The following ANKRD46 variants were observed in gnomAD, a reference collection of about 807,000 sequenced individuals.
The protein encoded by ANKRD46 is ankyrin repeat domain-containing protein 46.
Under a neutral mutation model 19.8 loss-of-function variants are expected in ANKRD46, and 13 were observed. The observed-to-expected ratio is 0.66, with a 90% CI of 0.43 to 1.04. ANKRD46 has a LOEUF of 1.04. ANKRD46 is among the 50% of genes least tolerant of loss of function. The pLI is 0.00. For missense variants in ANKRD46, 185 were observed against 274.8 expected (o/e 0.67, Z 2.31); for synonymous variants, 91 against 106.9 (o/e 0.85, Z 0.92).
At position 100,525,448 on chromosome 8, in the gene ANKRD46, C is replaced by T. The variant is rs1811824496; in HGVS notation, c.470+2397G>A. Among the ~76,000 whole-genome samples the T allele has an allele frequency of 6.6e-6, 1 of 152,214 alleles. No homozygotes were observed. The highest frequency in any genetic ancestry group is 6.5e-5 in the Admixed American group (1 of 15,282). On this transcript the variant is annotated intron_variant, in intron 4 of 4. Coordinates refer to ENST00000335659, the MANE Select transcript of ANKRD46 (RefSeq NM_001270377.2). The surrounding 1 kb of genome is among the most constrained non-coding windows in gnomAD (Gnocchi z 4.4). ...AGCTTCTAGTCTACTTTCTCATCTACTTTCTGTCTCTATGGATTTGCTTAT... is the reference window on the plus strand; with the variant it reads ...AGCTTCTAGTCTACTTTCTCATCTATTTTCTGTCTCTATGGATTTGCTTAT...
Position 100,527,549 on chromosome 8 carries a change from CAT to C in ANKRD46, c.470+294_470+295del, listed in dbSNP as rs1811865784. Reference sequence around the variant, plus strand: ...GGTGGCTAACAGAACATTATGCGCACATGACATGTAGTACTTTCTGTTAATAG... The same window carrying C: ...GGTGGCTAACAGAACATTATGCGCACGACATGTAGTACTTTCTGTTAATAG... On this transcript the variant is annotated intron_variant, in intron 4 of 4. Coordinates refer to ENST00000335659, the MANE Select transcript of ANKRD46 (RefSeq NM_001270377.2). This position sits in a 1 kb window ranked among gnomAD's most constrained non-coding sequence, Gnocchi z 4.0. Among the ~76,000 whole-genome samples the C allele has an allele frequency of 6.6e-6, 1 of 152,188 alleles. No homozygotes were observed. Among genetic ancestry groups the C allele is most frequent in the Non-Finnish European group, 1.5e-5 (1 of 68,046 alleles).
At position 100,545,018 on chromosome 8, in the gene ANKRD46, TC is replaced by T. The variant is rs983843153; in HGVS notation, c.-130-11708del. Among the ~76,000 whole-genome samples the T allele has an allele frequency of 2.0e-5, 3 of 152,106 alleles. No homozygotes were observed. The highest frequency in any genetic ancestry group is 7.2e-5 in the African/African-American group (3 of 41,404). On this transcript the variant is annotated intron_variant, in intron 1 of 4. Coordinates refer to ENST00000335659, the MANE Select transcript of ANKRD46 (RefSeq NM_001270377.2). The surrounding 1 kb of genome is among the most constrained non-coding windows in gnomAD (Gnocchi z 4.7). Reference sequence around the variant, plus strand: ...TGGATATTTTGCCATGGCCTTAATATCATATCTAAAACCAGCACTCCAGAGG... The same window carrying T: ...TGGATATTTTGCCATGGCCTTAATATATATCTAAAACCAGCACTCCAGAGG...
chr8:100,558,136 G>A (rs942969334), intron 1 of ANKRD46, among the ~76,000 whole-genome samples: 1 of 152,178 alleles, frequency 6.6e-6, no homozygotes, highest in African/African-American at 2.4e-5. Context: ...AATAGGTAAG[G>A]CTAAGAAGTT....
Position 100,559,040 on chromosome 8 carries a change from T to C in ANKRD46, c.-131+671A>G, listed in dbSNP as rs1812559903. On this transcript the variant is annotated intron_variant, in intron 1 of 4. Coordinates refer to ENST00000335659, the MANE Select transcript of ANKRD46 (RefSeq NM_001270377.2). The surrounding 1 kb of genome is among the most constrained non-coding windows in gnomAD (Gnocchi z 6.0). ...ACTATTCAATGGCATATTTTTACCT[T>C]ATTATGTTCTGTAGCCAATTCCGAA... 6.6e-6 allele frequency: 1 copy of C among 152,176 alleles called. No homozygotes were observed. The highest frequency in any genetic ancestry group is 1.5e-5 in the Non-Finnish European group (1 of 68,032). 9.4% of individuals were successfully genotyped at this position (152,176 alleles called of 1,614,324 possible).
At chr8:100,512,209 C>T (rs975585565) in intron 5 of ANKRD46, among the ~76,000 whole-genome samples, 4 of 152,162 alleles carry the variant, frequency 2.6e-5, no homozygotes, top group Admixed American at 6.5e-5. Flanking sequence ...AGCATCATTT[C>T]GAGGGTGGGG....
chr8:100,519,823 G>A (rs545655389), downstream of ANKRD46, among the ~76,000 whole-genome samples: 1 of 152,278 alleles, frequency 6.6e-6, no homozygotes, highest in South Asian at 2.1e-4. Context: ...GGAGGACCAA[G>A]CACAGCTCAC....
At position 100,529,794 on chromosome 8, in the gene ANKRD46, C is replaced by G; in HGVS notation, c.40G>C (p.Val14Leu). The change falls in exon 3 of 5, where the codon GTG becomes CTG. Residue 14 changes from valine to leucine, a missense_variant. Transcript: ENST00000335659. This position sits in a 1 kb window ranked among gnomAD's most constrained non-coding sequence, Gnocchi z 5.8. ...TCAATACAGGCTTGCAGCAAGGGCA[C>G]GTTAGTCTGAGAAGAATCATTTACA... is the stretch of plus-strand genomic sequence containing the variant. ...VFVNDSSQTN[V>L]PLLQACIDGD... The G allele has an allele frequency of 6.2e-7, 1 of 1,614,182 alleles. No homozygotes were observed. Among genetic ancestry groups the G allele is most frequent in the South Asian group, 1.1e-5 (1 of 91,086 alleles).
intron 4 of ANKRD46, among the ~76,000 whole-genome samples, chr8:100,523,203 G>T (rs984721407): frequency 1.2e-4 from 18 of 151,752 alleles, no homozygotes; most frequent in African/African-American, 4.4e-4. Flanking sequence ...CTTGAAATAG[G>T]TTATGAGTTG....
chr8:100,531,122 T>C lies in ANKRD46; in HGVS notation c.-27-1262A>G, dbSNP rs565164154. ...GTCTCTCTCTCTTCCCCTAGGTTCA[T>C]TTAAGAAAGAGTTAAAGCCTGTCAA... On this transcript the variant is annotated intron_variant, in intron 2 of 4. Coordinates refer to ENST00000335659, the MANE Select transcript of ANKRD46 (RefSeq NM_001270377.2). Among the ~76,000 whole-genome samples, 10 of 152,320 alleles carry C rather than the reference T, an allele frequency of 6.6e-5. No individual in the cohort carries two copies. The South Asian group carries it at 1.2e-3, about 19-fold the overall frequency.
chr8:100,516,779 G>A (rs1408703197), downstream of ANKRD46, among the ~76,000 whole-genome samples: 1 of 152,220 alleles, frequency 6.6e-6, no homozygotes, highest in Non-Finnish European at 1.5e-5. Context: ...AGTTGTGCGT[G>A]TTAAGAAACA....
downstream of ANKRD46, chr8:100,520,726 A>C (rs920180692): frequency 3.4e-6 from 3 of 872,096 alleles, no homozygotes; most frequent in African/African-American, 1.9e-5. Flanking sequence ...TCCCCAAATT[A>C]AAACTATAAT....
rs920167207 is a variant in ANKRD46 at position 100,521,120 on chromosome 8, C to T, written c.*1435G>A. The T allele has an allele frequency of 1.0e-6, 1 of 984,860 alleles. No homozygotes were observed. The highest frequency in any genetic ancestry group is 1.8e-5 in the African/African-American group (1 of 57,062). 61.0% of individuals were successfully genotyped at this position (984,860 alleles called of 1,614,324 possible). On this transcript the variant is annotated 3_prime_UTR_variant, in exon 5 of 5. Transcript: ENST00000335659. ...AGCCAGTTACTCAGGAATTTTACAA[C>T]AGCTATTAAAGAGAGGATAAAGCCA... is the stretch of plus-strand genomic sequence containing the variant.
chr8:100,536,615 AG>A lies in ANKRD46; in HGVS notation c.-130-3305del, dbSNP rs1358479594. On this transcript the variant is annotated intron_variant, in intron 1 of 4. Coordinates refer to ENST00000335659, the MANE Select transcript of ANKRD46 (RefSeq NM_001270377.2). This position sits in a 1 kb window ranked among gnomAD's most constrained non-coding sequence, Gnocchi z 4.9. ...TGGGGTGACATCTAGTTGGCAGTAA[AG>A]ACCTCCAGGAAAGAAAAATAAAAGA... 1.3e-5 allele frequency among the ~76,000 whole-genome samples: 2 copies of A among 152,184 alleles called. No homozygotes were observed. Among genetic ancestry groups the A allele is most frequent in the Non-Finnish European group, 1.5e-5 (1 of 68,020 alleles).
chr8:100,525,987 A>G lies in ANKRD46; in HGVS notation c.470+1858T>C, dbSNP rs2130649773. On this transcript the variant is annotated intron_variant, in intron 4 of 4. Transcript: ENST00000335659. This position sits in a 1 kb window ranked among gnomAD's most constrained non-coding sequence, Gnocchi z 4.4. ...TCCTCATTTGCATTTTCCTAATGACATTACCTTTCAACTTTCTGATTTAAG... is the reference window on the plus strand; with the variant it reads ...TCCTCATTTGCATTTTCCTAATGACGTTACCTTTCAACTTTCTGATTTAAG... 6.6e-6 allele frequency among the ~76,000 whole-genome samples: 1 copy of G among 152,304 alleles called. No individual in the cohort carries two copies. Among genetic ancestry groups the G allele is most frequent in the East Asian group, 1.9e-4 (1 of 5,190 alleles).
At chr8:100,516,271 G>A (rs565290271), downstream of ANKRD46, among the ~76,000 whole-genome samples, 5 of 152,140 alleles carry the variant, frequency 3.3e-5, 1 homozygote, top group African/African-American at 7.2e-5. Flanking sequence ...GAATAATATC[G>A]GCTTATTCAG....
intron 5 of ANKRD46, among the ~76,000 whole-genome samples, chr8:100,514,470 G>GA (rs2063151185): frequency 6.6e-6 from 1 of 151,546 alleles, no homozygotes; most frequent in Non-Finnish European, 1.5e-5. Flanking sequence ...ATTCAGACAT[G>GA]AAAAAATAAT....
Position 100,525,229 on chromosome 8 carries a change from T to C in ANKRD46, c.471-2458A>G, listed in dbSNP as rs1811819655. Among the ~76,000 whole-genome samples the C allele has an allele frequency of 3.3e-5, 5 of 152,190 alleles. No individual in the cohort carries two copies. The South Asian group carries it at 1.0e-3, about 31-fold the overall frequency. On this transcript the variant is annotated intron_variant, in intron 4 of 4. Transcript: ENST00000335659. This position sits in a 1 kb window ranked among gnomAD's most constrained non-coding sequence, Gnocchi z 4.4. ...TAATGCCATGTGCTAGCCAATCTCT[T>C]TAAACTTTTTCATCTACATTTATTG...
chr8:100,528,521 T>C (rs1034496181), intron 3 of ANKRD46, among the ~76,000 whole-genome samples: 30 of 149,878 alleles, frequency 2.0e-4, no homozygotes, highest in African/African-American at 6.5e-4. Flanking sequence ...GTTTTTCTTT[T>C]TTTTTTTTTT....
At position 100,559,590 on chromosome 8, in the gene ANKRD46, G is replaced by C. The variant is rs1812573382; in HGVS notation, c.-131+121C>G. The C allele has an allele frequency of 6.6e-6, 1 of 152,586 alleles. No individual in the cohort carries two copies. Among genetic ancestry groups the C allele is most frequent in the African/African-American group, 2.4e-5 (1 of 41,472 alleles). 9.5% of individuals were successfully genotyped at this position (152,586 alleles called of 1,614,324 possible). On this transcript the variant is annotated intron_variant, in intron 1 of 4. Transcript: ENST00000335659. The surrounding 1 kb of genome is among the most constrained non-coding windows in gnomAD (Gnocchi z 6.0). ...TCGCCGCGGAAGGTGTGGGAAGCCC[G>C]GGCACCCTCGCCCCTCAGGGCCCCG...
Sources: gnomAD v4.1 joint callset for allele counts (sites outside exome capture counted in the v4.1 genomes callset) on GRCh38, gnomAD v4.1.1 for gene constraint, Gnocchi (gnomAD v3.1) non-coding constraint, MANE v1.5 for transcripts, NCBI Gene and HGNC (gene_info 2026-07-23, HGNC 2026-07-21) for gene names.